Variants in ERCC8 observed in about 807,000 individuals in gnomAD.
ERCC8 encodes the protein ERCC excision repair 8, CSA ubiquitin ligase complex subunit, also known as DNA excision repair protein ERCC-8.
Under a neutral mutation model 54.9 loss-of-function variants are expected in ERCC8, and 52 were observed. That is an observed-to-expected ratio of 0.95 (90% CI 0.76 to 1.19). The LOEUF is 1.19. ERCC8 is among the 50% of genes most tolerant of loss of function. ERCC8 has a pLI of 0.00. For synonymous variants in ERCC8, 146 were observed against 157.2 expected, an observed-to-expected ratio of 0.93 and a Z score of 0.53; for missense variants, 514 against 466.1, an observed-to-expected ratio of 1.10 and a Z score of -0.95.
At chr5:60,877,691 A>G (rs941365354) in intron 11 of ERCC8, among the ~76,000 whole-genome samples, 2 of 152,064 alleles carry the variant, frequency 1.3e-5, no homozygotes, top group East Asian at 1.9e-4. Flanking sequence ...TTGGTGTATA[A>G]GAATGCTTGT....
At chr5:60,926,777 GTTGC>G (rs1269612726) in intron 2 of ERCC8, among the ~76,000 whole-genome samples, 3 of 152,058 alleles carry the variant, frequency 2.0e-5, no homozygotes, top group Non-Finnish European at 2.9e-5. Context: ...TTCATGAAAC[GTTGC>G]TTTTCTTGCC....
At chr5:60,935,845 G>T (rs751900687) in intron 1 of ERCC8, among the ~76,000 whole-genome samples, 5 of 152,076 alleles carry the variant, frequency 3.3e-5, no homozygotes, top group Non-Finnish European at 7.4e-5. Context: ...CACCTTTATG[G>T]ACTTGCATAT....
intron 2 of ERCC8, among the ~76,000 whole-genome samples, chr5:60,922,653 G>C (rs1027795685): frequency 1.3e-5 from 2 of 151,964 alleles, no homozygotes; most frequent in Non-Finnish European, 2.9e-5. Flanking sequence ...TCTTTTTATA[G>C]TACCTGGCAA....
chr5:60,903,372 G>T, intron 6 of ERCC8: 1 of 391,914 alleles, frequency 2.6e-6, no homozygotes, highest in Non-Finnish European at 4.6e-6. Context: ...AGTTGCATTA[G>T]TCTTTTTAAT....
At chr5:60,923,510 T>C (rs1749660946) in intron 2 of ERCC8, among the ~76,000 whole-genome samples, 1 of 152,136 alleles carries the variant, frequency 6.6e-6, no homozygotes, top group South Asian at 2.1e-4. Flanking sequence ...ATGTTTAATT[T>C]AGGAAATAAC....
chr5:60,914,397 C>A (rs1185180249), intron 4 of ERCC8, among the ~76,000 whole-genome samples: 1 of 152,030 alleles, frequency 6.6e-6, no homozygotes, highest in Admixed American at 6.6e-5. Flanking sequence ...TTATCAGAGA[C>A]CAGGATTGCA....
chr5:60,874,347 TACA>T lies in ERCC8; in HGVS notation c.*265_*267del, dbSNP rs373740060. The T allele has an allele frequency of 1.3e-5, 5 of 386,532 alleles. No homozygotes were observed. The highest frequency in any genetic ancestry group is 1.0e-4 in the African/African-American group (5 of 47,864). 23.9% of individuals were successfully genotyped at this position (386,532 alleles called of 1,614,324 possible). ...AATCTGCTGAAGGTCACAACTGAGGTACAACGACTTGTGTTACTTGTACTGTAG... is the reference window on the plus strand; with the variant it reads ...AATCTGCTGAAGGTCACAACTGAGGTACGACTTGTGTTACTTGTACTGTAG... On this transcript the variant is annotated 3_prime_UTR_variant, in exon 12 of 12. Transcript: ENST00000676185.
intron 2 of ERCC8, 50 bp downstream of exon 2, chr5:60,928,814 C>T: frequency 9.8e-7 from 1 of 1,022,322 alleles, no homozygotes; most frequent in Non-Finnish European, 1.5e-6. Flanking sequence ...GCAGGTTTTA[C>T]TGCATTTCAC....
In ERCC8 at chr5:60,899,686, G is replaced by A. The variant is rs369961779; in HGVS notation, c.659C>T (p.Ser220Leu). ...RVKLWDVRRASGCLITLDQHN... is the reference protein window; with the variant it reads ...RVKLWDVRRALGCLITLDQHN... The stretch of plus-strand genomic sequence containing the variant: ...TTGATCAAGAGTAATCAAACATCCT[G>A]ATGCTCTTCTCACATCCCATAATTT... The change falls in exon 8 of 12, where the codon TCA becomes TTA. Residue 220 changes from serine (S) to leucine (L), a missense_variant. By Grantham distance (145) the Ser-to-Leu change is moderately radical. Coordinates refer to ENST00000676185, the MANE Select transcript of ERCC8 (RefSeq NM_000082.4). 1.2e-6 allele frequency: 2 copies of A among 1,612,144 alleles called. No individual in the cohort carries two copies. The highest frequency in any genetic ancestry group is 2.7e-5 in the African/African-American group (2 of 74,850).
intron 2 of ERCC8, among the ~76,000 whole-genome samples, chr5:60,922,772 T>G (rs1749637113): frequency 6.6e-6 from 1 of 152,158 alleles, no homozygotes; most frequent in Non-Finnish European, 1.5e-5. Context: ...CTAAAACAAC[T>G]GTCAACAAGG....
chr5:60,878,021 CTCT>C (rs926569663), intron 11 of ERCC8, among the ~76,000 whole-genome samples: 10 of 152,146 alleles, frequency 6.6e-5, no homozygotes, highest in African/African-American at 2.2e-4. Flanking sequence ...TCATAGATAG[CTCT>C]TGTTATTTTG....
intron 11 of ERCC8, among the ~76,000 whole-genome samples, chr5:60,878,375 G>GCTGA (rs1456808971): frequency 1.3e-5 from 2 of 152,160 alleles, no homozygotes; most frequent in East Asian, 3.9e-4. Context: ...TCAGGATGAT[G>GCTGA]CTGACCTCAT....
intron 4 of ERCC8, among the ~76,000 whole-genome samples, chr5:60,909,278 A>AG (rs1749180857): frequency 3.2e-4 from 39 of 120,742 alleles, no homozygotes; most frequent in Non-Finnish European, 5.6e-4. Context: ...AAAAAAAAAA[A>AG]GCCACAAAGG....
chr5:60,942,682 A>T (rs1341340468), intron 1 of ERCC8, among the ~76,000 whole-genome samples: 1 of 152,156 alleles, frequency 6.6e-6, no homozygotes, highest in Non-Finnish European at 1.5e-5. Context: ...ACCGTCAAAA[A>T]TTTTTTAGGG....
intron 9 of ERCC8, 152 bp downstream of exon 9, chr5:60,898,124 T>C: frequency 1.2e-6 from 1 of 832,240 alleles, no homozygotes; most frequent in South Asian, 1.7e-5. Flanking sequence ...TTGTCCTGAG[T>C]TGAGAATTAC....
rs373539247 is a variant in ERCC8 at position 60,907,029 on chromosome 5, T to C, written c.400-2156A>G. ...CATGAGCCCAGACTTAGCCAATCCC[T>C]TGCTCTCCTCAGGTAAAAAATCTTA... is the stretch of plus-strand genomic sequence containing the variant. On this transcript the variant is annotated intron_variant, in intron 4 of 11. Coordinates refer to ENST00000676185, the MANE Select transcript of ERCC8 (RefSeq NM_000082.4). Among the ~76,000 whole-genome samples, 222 of 152,316 alleles carry C rather than the reference T, an allele frequency of 1.5e-3. 6 individuals are homozygous for C. In the South Asian group the frequency reaches 0.045, roughly 31 times the overall value.
chr5:60,927,744 C>A (rs367814734), intron 2 of ERCC8, among the ~76,000 whole-genome samples: 12 of 152,110 alleles, frequency 7.9e-5, no homozygotes, highest in Non-Finnish European at 1.0e-4. Flanking sequence ...TGAGTGCCCC[C>A]CCAGCTGTCC....
rs4647049 is a variant in ERCC8, at chr5:60,939,957, C to T, written c.77+4975G>A. On this transcript the variant is annotated intron_variant, in intron 1 of 11. Transcript: ENST00000676185. ...ATACTTTTATGTCTTTTTTATCAAT[C>T]TTGTCTGGACTTCAGTGAGCCCTTT... Among the ~76,000 whole-genome samples the T allele has an allele frequency of 5.3e-5, 8 of 152,120 alleles. No homozygotes were observed. In the South Asian group the frequency reaches 1.7e-3, roughly 32 times the overall value.
chr5:60,879,253 T>A (rs541090247), intron 11 of ERCC8, among the ~76,000 whole-genome samples: 231 of 152,318 alleles, frequency 1.5e-3, no homozygotes, highest in African/African-American at 5.2e-3. Context: ...ATAATTTCTG[T>A]TCTTTTACAT....
Sources: gnomAD v4.1 joint callset for allele counts (sites outside exome capture counted in the v4.1 genomes callset) on GRCh38, gnomAD v4.1.1 for gene constraint, MANE v1.5 for transcripts, NCBI Gene and HGNC (gene_info 2026-07-23, HGNC 2026-07-21) for gene names.